Variants in PDE1C observed in about 807,000 individuals in gnomAD.
PDE1C encodes phosphodiesterase 1C, also known as dual specificity calcium/calmodulin-dependent 3',5'-cyclic nucleotide phosphodiesterase 1C.
A neutral mutation model predicts 93.1 loss-of-function variants in PDE1C; 62 were observed. That is an observed-to-expected ratio of 0.67 (90% CI 0.54 to 0.82). The LOEUF is 0.82. Ranked by LOEUF, PDE1C falls within the 40% of genes least tolerant of loss-of-function variation. PDE1C has a pLI of 0.00. For missense variants in PDE1C, 742 were observed against 884.6 expected, an observed-to-expected ratio of 0.84 and a Z score of 2.04; for synonymous variants, 325 against 310.1, an observed-to-expected ratio of 1.05 and a Z score of -0.50.
chr7:32,390,542 A>AAG (rs1438201447), intron 1 of PDE1C, among the ~76,000 whole-genome samples: 5 of 88,486 alleles, frequency 5.7e-5, no homozygotes, highest in African/African-American at 1.5e-4. Context: ...GTGATCATTG[A>AAG]AAAAAAAAAA....
intron 2 of PDE1C, among the ~76,000 whole-genome samples, chr7:31,973,441 A>G (rs1447435197): frequency 6.6e-6 from 1 of 152,208 alleles, no homozygotes; most frequent in East Asian, 1.9e-4. Flanking sequence ...AGACAAAAAT[A>G]AGAATGGAAT....
chr7:31,990,379 C>T (rs182932176), intron 2 of PDE1C, among the ~76,000 whole-genome samples: 8 of 152,236 alleles, frequency 5.3e-5, no homozygotes, highest in Admixed American at 2.0e-4. Flanking sequence ...ATTCGCCTTC[C>T]GCCATGATTG....
chr7:31,635,878 C>G, the PDE1C span, among the ~76,000 whole-genome samples: 19 of 152,194 alleles, frequency 1.2e-4, no homozygotes, highest in African/African-American at 4.3e-4. Context: ...CACCATGGCA[C>G]AAGTTTACCT....
At chr7:32,203,366 G>T (rs888809491) in intron 2 of PDE1C, among the ~76,000 whole-genome samples, 4 of 151,996 alleles carry the variant, frequency 2.6e-5, no homozygotes, top group African/African-American at 9.7e-5. Flanking sequence ...AGTTCCCTCT[G>T]GGGCTCCATA....
At chr7:32,069,808 G>C (rs1795811916) in intron 1 of PDE1C, among the ~76,000 whole-genome samples, 1 of 152,148 alleles carries the variant, frequency 6.6e-6, no homozygotes, top group African/African-American at 2.4e-5. Context: ...GGAAATATCA[G>C]AAGTTCGACT....
chr7:31,745,715 G>A, the PDE1C span, among the ~76,000 whole-genome samples: 18 of 152,176 alleles, frequency 1.2e-4, no homozygotes, highest in Admixed American at 3.3e-4. Context: ...CAGTCAACAA[G>A]CAGCTCCATG....
chr7:31,763,002 A>G (rs1169013523), intron 17 of PDE1C, among the ~76,000 whole-genome samples: 1 of 152,116 alleles, frequency 6.6e-6, no homozygotes, highest in Admixed American at 6.5e-5. Flanking sequence ...GGAGCTTTGA[A>G]AAGTACTGAT....
At chr7:32,194,141 C>T (rs1484840369) in intron 2 of PDE1C, among the ~76,000 whole-genome samples, 4 of 152,072 alleles carry the variant, frequency 2.6e-5, no homozygotes, top group African/African-American at 7.2e-5. Context: ...GTCTCAATCT[C>T]CTGACCTCGT....
chr7:31,875,588 G>A (rs1796444667), intron 5 of PDE1C, among the ~76,000 whole-genome samples: 1 of 151,630 alleles, frequency 6.6e-6, no homozygotes, highest in Admixed American at 6.6e-5. Context: ...TTCCTGTAGA[G>A]AAATTGCAGG....
intron 1 of PDE1C, among the ~76,000 whole-genome samples, chr7:32,424,777 G>A (rs947724189): frequency 1.3e-5 from 2 of 152,098 alleles, no homozygotes; most frequent in East Asian, 3.9e-4. Context: ...GCAGTGAGCC[G>A]AGGTGGTCCC....
intron 2 of PDE1C, among the ~76,000 whole-genome samples, chr7:31,882,136 T>A (rs978820): frequency 0.93 from 141,844 of 152,204 alleles, 66,750 homozygotes; most frequent in East Asian, 1. Flanking sequence ...AACCATAAAA[T>A]AATTTCCAGG....
intron 9 of PDE1C, among the ~76,000 whole-genome samples, chr7:31,840,796 A>C (rs1229836745): frequency 1.3e-5 from 2 of 152,162 alleles, no homozygotes; most frequent in Non-Finnish European, 2.9e-5. Flanking sequence ...TCACCAGTGA[A>C]ATGCTGCCTT....
At chr7:32,185,099 G>A (rs562641879) in intron 2 of PDE1C, among the ~76,000 whole-genome samples, 64 of 143,438 alleles carry the variant, frequency 4.5e-4, no homozygotes, top group South Asian at 1.8e-3. Context: ...CAACAAGAGC[G>A]AAACTCTGTC....
At chr7:32,042,173 A>G (rs749559874) in intron 2 of PDE1C, among the ~76,000 whole-genome samples, 1 of 152,146 alleles carries the variant, frequency 6.6e-6, no homozygotes, top group Non-Finnish European at 1.5e-5. Context: ...GATGGCATGC[A>G]CCTGTAATCT....
At chr7:31,787,300 G>A (rs1386434765) in intron 16 of PDE1C, 1 of 152,112 alleles carries the variant, frequency 6.6e-6, no homozygotes, top group African/African-American at 2.4e-5. Flanking sequence ...AATGTTTTCG[G>A]TAGTTTATAA....
intron 17 of PDE1C, among the ~76,000 whole-genome samples, chr7:31,770,257 A>G (rs961209073): frequency 1.3e-5 from 2 of 151,986 alleles, no homozygotes; most frequent in East Asian, 1.9e-4. Flanking sequence ...TCGTCTTTTT[A>G]TTGTTGAGTT....
chr7:32,094,463 T>C (rs1797639649), intron 3 of PDE1C, among the ~76,000 whole-genome samples: 2 of 152,180 alleles, frequency 1.3e-5, no homozygotes. Flanking sequence ...TTTAAGTACT[T>C]TCTCCCTTTA....
At chr7:32,053,377 C>T (rs1793639805) in intron 1 of PDE1C, among the ~76,000 whole-genome samples, 1 of 152,198 alleles carries the variant, frequency 6.6e-6, no homozygotes, top group African/African-American at 2.4e-5. Context: ...AATGACAGCT[C>T]ACACTTTCCA....
At chr7:31,629,756 G>A in the PDE1C span, among the ~76,000 whole-genome samples, 18 of 152,194 alleles carry the variant, frequency 1.2e-4, no homozygotes, top group African/African-American at 2.4e-4. Context: ...TGCAACTCAC[G>A]AATTGTGTGC....
Sources: gnomAD v4.1 joint callset for allele counts (sites outside exome capture counted in the v4.1 genomes callset) on GRCh38, gnomAD v4.1.1 for gene constraint, MANE v1.5 for transcripts, NCBI Gene and HGNC (gene_info 2026-07-23, HGNC 2026-07-21) for gene names.